The following LRTM3 variants were observed in gnomAD, a reference collection of about 807,000 sequenced individuals.
The protein encoded by LRTM3 is leucine-rich repeat transmembrane protein 3.
At chr13:102,735,665 C>G in the LRTM3 span, 51,117 of 1,551,244 alleles carry the variant, frequency 0.033, 1,052 homozygotes, top group South Asian at 0.056. Flanking sequence ...TTTCTCTTCT[C>G]CCTGTGCTGT....
the LRTM3 span, chr13:102,730,078 C>T: frequency 6.4e-7 from 1 of 1,551,036 alleles, no homozygotes; most frequent in East Asian, 2.4e-5. Context: ...CAGGAGATTT[C>T]ATTTTGGAAG....
chr13:102,730,151 T>C, the LRTM3 span: 1 of 1,550,106 alleles, frequency 6.5e-7, no homozygotes, highest in Non-Finnish European at 8.7e-7. Context: ...TAAGGTTTCC[T>C]TTCTGCACTC....
the LRTM3 span, chr13:102,749,564 T>A: frequency 6.4e-7 from 1 of 1,551,428 alleles, no homozygotes; most frequent in Non-Finnish European, 8.7e-7. Context: ...ATATTTTGCC[T>A]CAACAATTGA....
the LRTM3 span, chr13:102,737,086 G>T: frequency 1.3e-6 from 2 of 1,551,008 alleles, no homozygotes; most frequent in Non-Finnish European, 1.7e-6. Flanking sequence ...AGCCACTGCT[G>T]CCAGGGATAT....
the LRTM3 span, chr13:102,739,483 T>G: frequency 1.3e-6 from 2 of 1,550,570 alleles, no homozygotes; most frequent in Non-Finnish European, 1.7e-6. Context: ...CTTTTGTTCT[T>G]GAATTTGAAT....
the LRTM3 span, chr13:102,742,228 G>T: frequency 1.3e-6 from 2 of 1,550,328 alleles, no homozygotes; most frequent in Non-Finnish European, 1.7e-6. Context: ...CTTTTTTATT[G>T]CTTGCAGTAC....
chr13:102,736,150 T>A, the LRTM3 span: 1 of 1,544,840 alleles, frequency 6.5e-7, no homozygotes, highest in South Asian at 1.2e-5. Context: ...CTGCACCTGA[T>A]GATATAGGAA....
chr13:102,740,340 T>C, the LRTM3 span: 101 of 1,550,118 alleles, frequency 6.5e-5, no homozygotes, highest in East Asian at 6.1e-4. Flanking sequence ...AGTCTATTCT[T>C]AGTTATAGTG....
the LRTM3 span, chr13:102,740,553 T>A: frequency 6.5e-7 from 1 of 1,549,186 alleles, no homozygotes; most frequent in Admixed American, 2.0e-5. Context: ...AAGTCTTGTC[T>A]TTTTTTACTG....
chr13:102,755,220 C>G, the LRTM3 span, among the ~76,000 whole-genome samples: 6 of 151,754 alleles, frequency 4.0e-5, no homozygotes, highest in South Asian at 6.3e-4. Context: ...TCTCTGCCCC[C>G]CCAGCTACCC....
the LRTM3 span, chr13:102,734,806 T>C: frequency 1.9e-6 from 3 of 1,551,142 alleles, no homozygotes; most frequent in South Asian, 2.4e-5. Context: ...CCACACCTGG[T>C]TCACCTTCAC....
chr13:102,752,949 G>A, the LRTM3 span, among the ~76,000 whole-genome samples: 1 of 152,158 alleles, frequency 6.6e-6, no homozygotes, highest in Non-Finnish European at 1.5e-5. Context: ...TGGTGCCCTT[G>A]TAAGAAGAGG....
At chr13:102,737,793 G>A in the LRTM3 span, 4 of 1,550,618 alleles carry the variant, frequency 2.6e-6, no homozygotes, top group Non-Finnish European at 3.5e-6. Context: ...TGCCTTGGTT[G>A]TAAAATACCA....
the LRTM3 span, chr13:102,747,843 G>T: frequency 3.2e-6 from 5 of 1,551,166 alleles, no homozygotes; most frequent in Non-Finnish European, 4.4e-6. Context: ...TCTTTATTTG[G>T]GGCTTTACTA....
At chr13:102,749,920 T>C in the LRTM3 span, 35 of 1,551,366 alleles carry the variant, frequency 2.3e-5, no homozygotes, top group Non-Finnish European at 3.1e-5. Flanking sequence ...TTTTGGGTTT[T>C]GAAGGAATTT....
the LRTM3 span, chr13:102,738,922 CT>C: frequency 8.4e-6 from 13 of 1,550,616 alleles, no homozygotes; most frequent in Non-Finnish European, 1.0e-5. Context: ...TTTCCAAAGC[CT>C]TTTCCACTCT....
the LRTM3 span, chr13:102,739,706 T>C: frequency 1.3e-6 from 2 of 1,549,944 alleles, no homozygotes; most frequent in Non-Finnish European, 1.7e-6. Context: ...TTTTACTCTA[T>C]CATTCTTTCC....
chr13:102,744,937 T>C, the LRTM3 span: 1 of 1,550,790 alleles, frequency 6.4e-7, no homozygotes. Context: ...TATCAGTTGG[T>C]ACACCACGTT....
the LRTM3 span, among the ~76,000 whole-genome samples, chr13:102,754,818 T>C: frequency 6.6e-6 from 1 of 152,184 alleles, no homozygotes; most frequent in Non-Finnish European, 1.5e-5. Context: ...TGGTAACCAA[T>C]AGCAGAACCA....
Sources: allele counts gnomAD v4.1 joint callset (sites outside exome capture counted in the v4.1 genomes callset), GRCh38; gene constraint gnomAD v4.1.1; transcripts MANE v1.5; gene names NCBI Gene and HGNC (gene_info 2026-07-23, HGNC 2026-07-21).